The following KIAA0825 variants were observed in gnomAD, a reference collection of about 807,000 sequenced individuals.
KIAA0825 encodes KIAA0825, also known as uncharacterized protein KIAA0825.
A neutral mutation model predicts 147.6 loss-of-function variants in KIAA0825; 119 were observed. That is an observed-to-expected ratio of 0.81 (90% CI 0.69 to 0.94). The LOEUF (loss-of-function observed/expected upper bound fraction) is 0.94, where lower values mean the gene tolerates loss of function less well. Among genes scored for constraint, KIAA0825 ranks in the 40% least tolerant of loss-of-function variants. The pLI is 0.00. For missense variants in KIAA0825, 1,381 were observed against 1,472.7 expected (o/e 0.94, Z 1.02); for synonymous variants, 470 against 518.1 (o/e 0.91, Z 1.26).
In KIAA0825 at chr5:94,520,682, T is replaced by C. The variant is rs1360762952; in HGVS notation, c.536A>G (p.His179Arg). ...TTGCTGTGAATTGTTTATTTCATTA[T>C]GGCTTTGTAATTTGCTCACTAAGAA... ...RRFLVSKLQS[H>R]NEINNSQQKI... is the part of the protein sequence containing the mutation. The change falls in exon 5 of 21, where the codon CAT (histidine) becomes CGT (arginine). Residue 179 changes from histidine (H) to arginine (R), a missense_variant. Physicochemically the swap from His to Arg is conservative, Grantham distance 29. Transcript: ENST00000682413. 2 of 1,613,472 alleles carry C rather than the reference T, an allele frequency of 1.2e-6. No homozygotes were observed. The highest frequency in any genetic ancestry group is 1.7e-5 in the Admixed American group (1 of 59,964).
chr5:94,524,964 T>G (rs1250210164), intron 3 of KIAA0825, among the ~76,000 whole-genome samples: 1 of 151,826 alleles, frequency 6.6e-6, no homozygotes, highest in African/African-American at 2.4e-5. Flanking sequence ...GCATTGATGA[T>G]TATAAATCTT....
intron 6 of KIAA0825, among the ~76,000 whole-genome samples, chr5:94,478,039 T>C (rs1412688351): frequency 6.6e-6 from 1 of 152,234 alleles, no homozygotes; most frequent in Non-Finnish European, 1.5e-5. Context: ...TCAATTTCTT[T>C]ATGCCTGGGC....
intron 14 of KIAA0825, among the ~76,000 whole-genome samples, chr5:94,434,164 C>T (rs1279854385): frequency 6.6e-6 from 1 of 152,224 alleles, no homozygotes; most frequent in Non-Finnish European, 1.5e-5. Flanking sequence ...GCCAACTGAA[C>T]TGTACTCAGT....
chr5:94,595,823 T>C (rs544354470), intron 1 of KIAA0825, among the ~76,000 whole-genome samples: 3 of 152,262 alleles, frequency 2.0e-5, no homozygotes, highest in African/African-American at 7.2e-5. Context: ...TGCCTAGAAA[T>C]TTCTTCCACT....
intron 5 of KIAA0825, among the ~76,000 whole-genome samples, chr5:94,511,725 C>T (rs955015833): frequency 7.2e-5 from 11 of 152,290 alleles, no homozygotes; most frequent in East Asian, 1.9e-4. Flanking sequence ...CAGTGGGTCA[C>T]GCCTGTAATC....
intron 20 of KIAA0825, among the ~76,000 whole-genome samples, chr5:94,356,552 A>G (rs1204603740): frequency 6.6e-6 from 1 of 150,994 alleles, no homozygotes; most frequent in Non-Finnish European, 1.5e-5. Context: ...GCGGACTTGC[A>G]GTGAGCCGAG....
At chr5:94,311,653 G>T (rs775808880) in intron 20 of KIAA0825, among the ~76,000 whole-genome samples, 4 of 151,452 alleles carry the variant, frequency 2.6e-5, no homozygotes, top group Non-Finnish European at 5.9e-5. Flanking sequence ...TTGCCACATT[G>T]TATAATATAA....
intron 6 of KIAA0825, among the ~76,000 whole-genome samples, chr5:94,478,931 ATTAATAGTTTAT>A (rs1360119142): frequency 6.6e-6 from 1 of 152,170 alleles, no homozygotes; most frequent in Non-Finnish European, 1.5e-5. Context: ...CTTTCTGAAA[ATTAATAGTTTAT>A]TTTTTAGCAA....
chr5:94,263,649 G>A (rs919336719), intron 20 of KIAA0825, among the ~76,000 whole-genome samples: 8 of 150,582 alleles, frequency 5.3e-5, no homozygotes, highest in Non-Finnish European at 1.2e-4. Context: ...TTTCTTCAAT[G>A]TCTCTCTCTC....
intron 5 of KIAA0825, among the ~76,000 whole-genome samples, chr5:94,490,317 A>G (rs1763583547): frequency 6.6e-6 from 1 of 152,234 alleles, no homozygotes; most frequent in Non-Finnish European, 1.5e-5. Flanking sequence ...GAACAAAGTA[A>G]GATTTTATAC....
At chr5:94,420,844 CTT>C (rs1218124063) in intron 14 of KIAA0825, among the ~76,000 whole-genome samples, 1 of 152,128 alleles carries the variant, frequency 6.6e-6, no homozygotes, top group Non-Finnish European at 1.5e-5. Flanking sequence ...AAATACATCT[CTT>C]GAGTATTTTG....
intron 20 of KIAA0825, among the ~76,000 whole-genome samples, chr5:94,253,546 A>G (rs1247344818): frequency 6.6e-6 from 1 of 152,094 alleles, no homozygotes; most frequent in Non-Finnish European, 1.5e-5. Context: ...GCAGAATTCA[A>G]CTTTACCTAG....
chr5:94,572,480 C>T (rs1780162204), intron 2 of KIAA0825, among the ~76,000 whole-genome samples: 1 of 152,190 alleles, frequency 6.6e-6, no homozygotes, highest in African/African-American at 2.4e-5. Context: ...AACCATGTCA[C>T]AATTTAGAAG....
At chr5:94,281,236 CACACACACTT>C (rs1777452983) in intron 20 of KIAA0825, among the ~76,000 whole-genome samples, 1 of 140,062 alleles carries the variant, frequency 7.1e-6, no homozygotes, top group Non-Finnish European at 1.6e-5. Context: ...CACACACACA[CACACACACTT>C]GCCATACCCA....
chr5:94,572,046 C>A (rs887082249), intron 2 of KIAA0825, among the ~76,000 whole-genome samples: 7 of 151,378 alleles, frequency 4.6e-5, no homozygotes, highest in Non-Finnish European at 8.8e-5. Context: ...TAGTAGTGTG[C>A]CTGTGAAAAG....
chr5:94,304,563 T>G (rs1166874720), intron 20 of KIAA0825, among the ~76,000 whole-genome samples: 1 of 152,072 alleles, frequency 6.6e-6, no homozygotes, highest in Non-Finnish European at 1.5e-5. Context: ...CACCACAGTT[T>G]CACAGCCTAT....
chr5:94,170,188 A>G (rs1768484666), intron 20 of KIAA0825, among the ~76,000 whole-genome samples: 1 of 152,088 alleles, frequency 6.6e-6, no homozygotes, highest in Non-Finnish European at 1.5e-5. Flanking sequence ...AGTCCCAGCT[A>G]CTCTGCAGGC....
intron 20 of KIAA0825, among the ~76,000 whole-genome samples, chr5:94,367,145 A>G (rs761522542): frequency 2.6e-5 from 4 of 152,214 alleles, no homozygotes; most frequent in Non-Finnish European, 5.9e-5. Context: ...CTTCTAAGAC[A>G]AGTTACTATT....
intron 3 of KIAA0825, among the ~76,000 whole-genome samples, chr5:94,526,359 T>C (rs564059306): frequency 9.2e-5 from 14 of 152,028 alleles, no homozygotes; most frequent in African/African-American, 2.9e-4. Flanking sequence ...TGGGATGAAA[T>C]TGGGGAGAGG....
Sources: gnomAD v4.1 joint callset for allele counts (sites outside exome capture counted in the v4.1 genomes callset) on GRCh38, gnomAD v4.1.1 for gene constraint, MANE v1.5 for transcripts, NCBI Gene and HGNC (gene_info 2026-07-23, HGNC 2026-07-21) for gene names.